The following KCND2 variants were observed in gnomAD, a reference collection of about 807,000 sequenced individuals.
KCND2 encodes the protein A-type voltage-gated potassium channel KCND2.
A neutral mutation model predicts 54.4 loss-of-function variants in KCND2; 16 were observed. The ratio of observed to expected loss-of-function variants is 0.29; its 90% confidence interval spans 0.20 to 0.45. The LOEUF (loss-of-function observed/expected upper bound fraction) is 0.45. Ranked by LOEUF, KCND2 falls within the 20% of genes least tolerant of loss-of-function variation. The pLI is 1.00. For missense variants in KCND2, 486 were observed against 824.2 expected, an observed-to-expected ratio of 0.59 and a Z score of 5.02; for synonymous variants, 317 against 310.7, an observed-to-expected ratio of 1.02 and a Z score of -0.21.
At chr7:120,440,898 A>G (rs1163534438) in intron 1 of KCND2, among the ~76,000 whole-genome samples, 1 of 152,048 alleles carries the variant, frequency 6.6e-6, no homozygotes, top group African/African-American at 2.4e-5. Flanking sequence ...AGAAATACTC[A>G]AAATTTGAGA....
chr7:120,444,363 A>G (rs1455737644), intron 1 of KCND2, among the ~76,000 whole-genome samples: 2 of 152,136 alleles, frequency 1.3e-5, no homozygotes, highest in African/African-American at 4.8e-5. Flanking sequence ...GCTGTTTCTG[A>G]GGTACAAAGC....
At chr7:120,285,599 T>C (rs998634874) in intron 1 of KCND2, among the ~76,000 whole-genome samples, 1 of 151,978 alleles carries the variant, frequency 6.6e-6, no homozygotes, top group Non-Finnish European at 1.5e-5. Flanking sequence ...GAAATTCAAA[T>C]GAATATTTTT....
chr7:120,707,649 A>G (rs1287346594), intron 1 of KCND2, among the ~76,000 whole-genome samples: 2 of 152,132 alleles, frequency 1.3e-5, no homozygotes, highest in Non-Finnish European at 2.9e-5. Context: ...ACGATTTATC[A>G]ACTTCATTGT....
At chr7:120,370,877 T>A (rs756230157) in intron 1 of KCND2, among the ~76,000 whole-genome samples, 1 of 152,070 alleles carries the variant, frequency 6.6e-6, no homozygotes, top group East Asian at 1.9e-4. Flanking sequence ...TTTGCTTCTT[T>A]ACAAGGAAAA....
At chr7:120,336,532 G>A (rs905240554) in intron 1 of KCND2, among the ~76,000 whole-genome samples, 2 of 152,104 alleles carry the variant, frequency 1.3e-5, no homozygotes, top group African/African-American at 4.8e-5. Flanking sequence ...GTATAGGGAT[G>A]TAGATAGTAG....
intron 1 of KCND2, among the ~76,000 whole-genome samples, chr7:120,671,384 G>C (rs147512381): frequency 6.6e-6 from 1 of 151,992 alleles, no homozygotes; most frequent in African/African-American, 2.4e-5. Context: ...ATGCTCATAC[G>C]CCCGCTGCTC....
At chr7:120,609,625 C>T (rs1282804019) in intron 1 of KCND2, among the ~76,000 whole-genome samples, 2 of 152,144 alleles carry the variant, frequency 1.3e-5, no homozygotes, top group South Asian at 2.1e-4. Context: ...CTTAAAAATG[C>T]TCCCATCTAT....
rs184442688 is a variant in KCND2 at position 120,651,398 on chromosome 7, C to T, written c.1116-81505C>T. On this transcript the variant is annotated intron_variant, in intron 1 of 5. Coordinates refer to ENST00000331113, the MANE Select transcript of KCND2 (RefSeq NM_012281.3). Reference sequence around the variant, plus strand: ...CCAGCAATGAGTGAGGCTCCATGGGCGTGGGACTCTCCCAGCCATGCACGG... The same window carrying T: ...CCAGCAATGAGTGAGGCTCCATGGGTGTGGGACTCTCCCAGCCATGCACGG... Among the ~76,000 whole-genome samples, 427 of 152,246 alleles carry T rather than the reference C, an allele frequency of 2.8e-3. 2 individuals are homozygous for T. Among genetic ancestry groups the T allele is most frequent in the African/African-American group, 9.4e-3 (391 of 41,516 alleles).
chr7:120,361,756 A>G (rs1236702598), intron 1 of KCND2, among the ~76,000 whole-genome samples: 1 of 152,084 alleles, frequency 6.6e-6, no homozygotes, highest in Non-Finnish European at 1.5e-5. Context: ...ATTAATCCCT[A>G]TTTGACTCAT....
intron 1 of KCND2, among the ~76,000 whole-genome samples, chr7:120,474,285 A>T (rs539564472): frequency 1.6e-4 from 24 of 152,232 alleles, no homozygotes; most frequent in South Asian, 6.2e-4. Flanking sequence ...GCTTGTGTGA[A>T]GGTGCATGTG....
intron 1 of KCND2, among the ~76,000 whole-genome samples, chr7:120,476,201 A>T (rs1202524979): frequency 1.3e-5 from 2 of 152,148 alleles, no homozygotes; most frequent in African/African-American, 4.8e-5. Flanking sequence ...ACCTTTCAAC[A>T]TCTCAATATT....
Position 120,511,924 on chromosome 7 carries a change from A to C in KCND2, c.1116-220979A>C, listed in dbSNP as rs570794480. Reference sequence around the variant, plus strand: ...TAGCACCAACTCCACACCACTTCCCAAAACTGGCACAAATGGAATTTCTCC... The same window carrying C: ...TAGCACCAACTCCACACCACTTCCCCAAACTGGCACAAATGGAATTTCTCC... On this transcript the variant is annotated intron_variant, in intron 1 of 5. Coordinates refer to ENST00000331113, the MANE Select transcript of KCND2 (RefSeq NM_012281.3). 5.3e-5 allele frequency among the ~76,000 whole-genome samples: 8 copies of C among 152,252 alleles called. 1 individual carries two copies. The highest frequency in any genetic ancestry group is 1.7e-4 in the African/African-American group (7 of 41,574).
chr7:120,579,731 A>G (rs1390631334), intron 1 of KCND2, among the ~76,000 whole-genome samples: 5 of 152,094 alleles, frequency 3.3e-5, no homozygotes, highest in South Asian at 4.1e-4. Context: ...ACATTTTTAT[A>G]TATCTTCATA....
chr7:120,600,831 T>A (rs80292986), intron 1 of KCND2, among the ~76,000 whole-genome samples: 1,893 of 152,208 alleles, frequency 0.012, 81 homozygotes, highest in Admixed American at 0.085. Flanking sequence ...TATCAATGAA[T>A]GTTTGTTAAC....
intron 1 of KCND2, among the ~76,000 whole-genome samples, chr7:120,724,712 A>G (rs911473138): frequency 6.6e-6 from 1 of 152,180 alleles, no homozygotes; most frequent in Non-Finnish European, 1.5e-5. Flanking sequence ...AACAAAGACT[A>G]GGAACTCAAA....
intron 1 of KCND2, among the ~76,000 whole-genome samples, chr7:120,534,755 A>G (rs1338489177): frequency 6.6e-6 from 1 of 152,154 alleles, no homozygotes; most frequent in Admixed American, 6.6e-5. Context: ...TTTGCCATAA[A>G]TCTAAATCTA....
At chr7:120,451,014 C>T (rs1039753308) in intron 1 of KCND2, among the ~76,000 whole-genome samples, 1 of 152,166 alleles carries the variant, frequency 6.6e-6, no homozygotes, top group Non-Finnish European at 1.5e-5. Context: ...CCTCTCCTTC[C>T]TTCCCTTCTC....
intron 1 of KCND2, among the ~76,000 whole-genome samples, chr7:120,339,815 G>C (rs1800215103): frequency 6.6e-6 from 1 of 152,098 alleles, no homozygotes; most frequent in African/African-American, 2.4e-5. Flanking sequence ...GTCAAAATTG[G>C]CCTCAGTGAG....
intron 1 of KCND2, among the ~76,000 whole-genome samples, chr7:120,366,498 A>AAAGG (rs1800681093): frequency 6.6e-6 from 1 of 150,974 alleles, no homozygotes; most frequent in African/African-American, 2.4e-5. Flanking sequence ...AAAAAAAAAA[A>AAAGG]AAGGGAGGGA....
Sources: allele counts gnomAD v4.1 joint callset (sites outside exome capture counted in the v4.1 genomes callset), GRCh38; gene constraint gnomAD v4.1.1; transcripts MANE v1.5; gene names NCBI Gene and HGNC (gene_info 2026-07-23, HGNC 2026-07-21).